The following COL24A1 variants were observed in gnomAD, a reference collection of about 807,000 sequenced individuals.
COL24A1 encodes collagen type XXIV alpha 1 chain.
Under a neutral mutation model 253.9 loss-of-function variants are expected in COL24A1, and 224 were observed. The observed-to-expected ratio is 0.88, with a 90% CI of 0.79 to 0.99. The LOEUF is 0.99. COL24A1 is among the 50% of genes least tolerant of loss of function. COL24A1 has a pLI of 0.00. For synonymous variants in COL24A1, 685 were observed against 673.7 expected (o/e 1.02, Z -0.26); for missense variants, 2,131 against 2,068.5 (o/e 1.03, Z -0.59).
intron 47 of COL24A1, among the ~76,000 whole-genome samples, chr1:85,807,098 T>C (rs1165087286): frequency 6.6e-6 from 1 of 152,188 alleles, no homozygotes; most frequent in Non-Finnish European, 1.5e-5. Context: ...CTTCCTGGCT[T>C]GTGGAGGCAG....
At chr1:86,101,502 A>G (rs945250759) in intron 5 of COL24A1, among the ~76,000 whole-genome samples, 1 of 152,164 alleles carries the variant, frequency 6.6e-6, no homozygotes, top group African/African-American at 2.4e-5. Flanking sequence ...TTGCCCATCC[A>G]GTATAATGTT....
intron 43 of COL24A1, among the ~76,000 whole-genome samples, chr1:85,837,290 A>C (rs1306126887): frequency 2.6e-5 from 4 of 152,252 alleles, no homozygotes; most frequent in Admixed American, 6.5e-5. Context: ...CAACAATTTC[A>C]CAAATATTTA....
chr1:86,113,789 A>G (rs1705841689), intron 4 of COL24A1, among the ~76,000 whole-genome samples: 1 of 128,662 alleles, frequency 7.8e-6, no homozygotes, highest in Non-Finnish European at 1.6e-5. Context: ...GAGCTATGAT[A>G]CCCATCACTG....
At chr1:86,117,529 T>C (rs565740001) in intron 3 of COL24A1, among the ~76,000 whole-genome samples, 1 of 152,326 alleles carries the variant, frequency 6.6e-6, no homozygotes, top group East Asian at 1.9e-4. Context: ...AAGATGCAAT[T>C]AACATTAGAT....
intron 2 of COL24A1, among the ~76,000 whole-genome samples, chr1:86,128,545 C>T (rs1365688511): frequency 6.6e-6 from 1 of 151,984 alleles, no homozygotes; most frequent in Non-Finnish European, 1.5e-5. Context: ...CCAAGAACAT[C>T]TCCCCTTGCA....
chr1:85,968,862 C>A (rs544233676), intron 22 of COL24A1, among the ~76,000 whole-genome samples: 1 of 152,224 alleles, frequency 6.6e-6, no homozygotes, highest in East Asian at 1.9e-4. Flanking sequence ...GTAACAGAAT[C>A]ATAACTTCTT....
intron 24 of COL24A1, among the ~76,000 whole-genome samples, chr1:85,957,052 T>C (rs1690535335): frequency 6.6e-6 from 1 of 152,094 alleles, no homozygotes; most frequent in African/African-American, 2.4e-5. Flanking sequence ...AAGAATGAGT[T>C]CATGTCGTAC....
intron 19 of COL24A1, among the ~76,000 whole-genome samples, chr1:86,008,494 C>T (rs900210053): frequency 1.3e-5 from 2 of 152,064 alleles, no homozygotes; most frequent in African/African-American, 4.8e-5. Context: ...CAATCCCCGG[C>T]CTATTTCTTT....
At chr1:85,982,652 C>T (rs993573849) in intron 20 of COL24A1, among the ~76,000 whole-genome samples, 1 of 151,974 alleles carries the variant, frequency 6.6e-6, no homozygotes, top group African/African-American at 2.4e-5. Flanking sequence ...TTATCCTCTC[C>T]TCTGAACTCC....
At chr1:86,026,979 G>A (rs2101435644) in intron 14 of COL24A1, among the ~76,000 whole-genome samples, 1 of 152,266 alleles carries the variant, frequency 6.6e-6, no homozygotes. Context: ...ACAGACTGGT[G>A]GCATTTTGCC....
intron 2 of COL24A1, among the ~76,000 whole-genome samples, chr1:86,133,790 G>C (rs934624775): frequency 7.6e-6 from 1 of 131,560 alleles, no homozygotes; most frequent in Non-Finnish European, 1.7e-5. Flanking sequence ...ATGTTCATCA[G>C]GGATATTGGT....
chr1:85,815,884 C>T (rs972087535), intron 47 of COL24A1, among the ~76,000 whole-genome samples: 22 of 152,098 alleles, frequency 1.4e-4, no homozygotes, highest in Admixed American at 1.0e-3. Flanking sequence ...GGAAGGAAAG[C>T]GGGAAAATGG....
In COL24A1 at chr1:85,952,040, A is replaced by C. The variant is rs147719924; in HGVS notation, c.2562+9209T>G. Reference sequence around the variant, plus strand: ...TCCCCTCATCGGGCTGCTTAGTACAATTAATGAAAAAAGAGACATTTCATA... The same window carrying C: ...TCCCCTCATCGGGCTGCTTAGTACACTTAATGAAAAAAGAGACATTTCATA... On this transcript the variant is annotated intron_variant, in intron 24 of 59. Coordinates refer to ENST00000370571, the MANE Select transcript of COL24A1 (RefSeq NM_152890.7). Among the ~76,000 whole-genome samples, 9 of 152,338 alleles carry C rather than the reference A, an allele frequency of 5.9e-5. No homozygotes were observed. The East Asian group carries it at 1.5e-3, about 26-fold the overall frequency.
At chr1:85,764,453 GATACACACACACAC>G (rs1234081720) in intron 53 of COL24A1, among the ~76,000 whole-genome samples, 1 of 106,592 alleles carries the variant, frequency 9.4e-6, no homozygotes, top group African/African-American at 3.9e-5. Context: ...CTAGGTGGAG[GATACACACACACAC>G]ACACACACAC....
intron 24 of COL24A1, among the ~76,000 whole-genome samples, chr1:85,929,845 A>C (rs1395927221): frequency 6.6e-6 from 1 of 150,850 alleles, no homozygotes; most frequent in Non-Finnish European, 1.5e-5. Flanking sequence ...TGGGTACATA[A>C]CGAAATGAAG....
At chr1:85,808,338 T>C (rs1672192596) in intron 47 of COL24A1, among the ~76,000 whole-genome samples, 1 of 152,196 alleles carries the variant, frequency 6.6e-6, no homozygotes, top group Non-Finnish European at 1.5e-5. Context: ...TATTACAAAC[T>C]TAACGGGTTG....
chr1:85,763,920 C>T (rs1044604191), intron 53 of COL24A1, among the ~76,000 whole-genome samples: 3 of 152,154 alleles, frequency 2.0e-5, no homozygotes, highest in Non-Finnish European at 4.4e-5. Context: ...AATTTACATA[C>T]GATCCTCCAA....
chr1:86,094,733 C>T (rs566817893), intron 5 of COL24A1, among the ~76,000 whole-genome samples: 1 of 151,924 alleles, frequency 6.6e-6, no homozygotes, highest in Non-Finnish European at 1.5e-5. Context: ...TCATTGGTTA[C>T]AAGGTTATGA....
intron 7 of COL24A1, among the ~76,000 whole-genome samples, chr1:86,076,288 C>T (rs1702237580): frequency 1.3e-5 from 2 of 152,268 alleles, no homozygotes; most frequent in South Asian, 4.1e-4. Flanking sequence ...CTCCCATTCA[C>T]AACTGCTACA....
Sources: allele counts gnomAD v4.1 joint callset (sites outside exome capture counted in the v4.1 genomes callset), GRCh38; gene constraint gnomAD v4.1.1; transcripts MANE v1.5; gene names NCBI Gene and HGNC (gene_info 2026-07-23, HGNC 2026-07-21).